Variants in IQSEC1 observed in about 807,000 individuals in gnomAD.
The protein encoded by IQSEC1 is IQ motif and Sec7 domain ArfGEF 1, also known as IQ motif and SEC7 domain-containing protein 1.
IQSEC1 carries 31 observed loss-of-function variants against 91.0 expected under a neutral mutation model. That is an observed-to-expected ratio of 0.34 (90% CI 0.26 to 0.46). IQSEC1 has a LOEUF of 0.46. IQSEC1 is among the 20% of genes least tolerant of loss of function. The pLI, the probability that IQSEC1 is intolerant of heterozygous loss-of-function variation, is 1.00. For missense variants in IQSEC1, 1,388 were observed against 1,575.6 expected (o/e 0.88, Z 2.02); for synonymous variants, 699 against 662.6 (o/e 1.05, Z -0.84).
At position 13,059,256 on chromosome 3, in the gene IQSEC1, C is replaced by A. The variant is rs370487769; in HGVS notation, c.23+13736G>T. 1.7e-4 allele frequency among the ~76,000 whole-genome samples: 26 copies of A among 152,276 alleles called. No individual in the cohort carries two copies. In the East Asian group the frequency reaches 4.6e-3, roughly 27 times the overall value. ...GGCAATGGCGCTGCCACCCATCAGACCCCCAGGCCAGACCCCTAGGCACTA... is the reference window on the plus strand; with the variant it reads ...GGCAATGGCGCTGCCACCCATCAGAACCCCAGGCCAGACCCCTAGGCACTA... On this transcript the variant is annotated intron_variant, in intron 1 of 13. Transcript: ENST00000613206.
At chr3:13,015,243 G>C (rs932230143) in intron 1 of IQSEC1, among the ~76,000 whole-genome samples, 1 of 152,168 alleles carries the variant, frequency 6.6e-6, no homozygotes, top group East Asian at 1.9e-4. Context: ...AGGGCCGTAG[G>C]CAGCGACCCA....
At position 13,092,367 on chromosome 3, in the gene IQSEC1, A is replaced by G. The variant is rs146449358; in HGVS notation, c.303-44845T>C. Among the ~76,000 whole-genome samples the G allele has an allele frequency of 3.8e-4, 58 of 152,228 alleles. 1 individual carries two copies. The East Asian group carries it at 9.1e-3, about 24-fold the overall frequency. On this transcript the variant is annotated intron_variant, in intron 2 of 15. Transcript: ENST00000648114. ...GCGCGCGGCTGCTGCAAAGTCCTGCAAAGAGATACCTGCAAAACACGCCCC... is the reference window on the plus strand; with the variant it reads ...GCGCGCGGCTGCTGCAAAGTCCTGCGAAGAGATACCTGCAAAACACGCCCC...
Position 12,991,550 on chromosome 3 carries a change from G to A in IQSEC1, c.24-49685C>T, listed in dbSNP as rs967891979. Among the ~76,000 whole-genome samples, 7 of 152,180 alleles carry A rather than the reference G, an allele frequency of 4.6e-5. No homozygotes were observed. In the South Asian group the frequency reaches 1.2e-3, roughly 27 times the overall value. ...CCACTCCCCACCTGCCTAATTATGA[G>A]GGGCAGGGGGAGTGATGAGGGCTCT... On this transcript the variant is annotated intron_variant, in intron 1 of 13. Coordinates refer to ENST00000613206, the MANE Select transcript of IQSEC1 (RefSeq NM_001134382.3).
chr3:13,040,866 C>T (rs1704234951), intron 1 of IQSEC1, among the ~76,000 whole-genome samples: 2 of 152,194 alleles, frequency 1.3e-5, no homozygotes, highest in African/African-American at 2.4e-5. Flanking sequence ...GCTCCTCTTT[C>T]AAGACTCTGA....
At chr3:13,017,697 G>A (rs759915416) in intron 1 of IQSEC1, among the ~76,000 whole-genome samples, 1 of 152,204 alleles carries the variant, frequency 6.6e-6, no homozygotes, top group Non-Finnish European at 1.5e-5. Flanking sequence ...AAGACTCGAT[G>A]CAGGGAGAGG....
intron 6 of IQSEC1, among the ~76,000 whole-genome samples, chr3:12,919,013 CA>C: frequency 6.6e-6 from 1 of 152,288 alleles, no homozygotes; most frequent in South Asian, 2.1e-4. Context: ...CAGCCTGCAT[CA>C]GGGGTCATGC....
intron 1 of IQSEC1, among the ~76,000 whole-genome samples, chr3:12,989,964 A>G (rs1045269079): frequency 6.6e-6 from 1 of 152,208 alleles, no homozygotes; most frequent in African/African-American, 2.4e-5. Flanking sequence ...AGGATTAGCC[A>G]TAAGATGCTC....
rs184393048 is a variant in IQSEC1 at position 13,225,549 on chromosome 3, C to T, written c.272+57162G>A. ...TGGCAGGTGGTAAGTACCAGAAAGC[C>T]TTCTAGTCACCCATTCAACAAATAT... On this transcript the variant is annotated intron_variant, in intron 1 of 15. Coordinates refer to the IQSEC1 transcript ENST00000648114. Among the ~76,000 whole-genome samples, 205 of 152,288 alleles carry T rather than the reference C, an allele frequency of 1.3e-3. 1 individual carries two copies. The highest frequency in any genetic ancestry group is 4.8e-3 in the African/African-American group (199 of 41,570).
chr3:13,095,665 A>G (rs1315687527), intron 2 of IQSEC1, among the ~76,000 whole-genome samples: 1 of 152,018 alleles, frequency 6.6e-6, no homozygotes, highest in South Asian at 2.1e-4. Context: ...CCTTTTAGGA[A>G]CTGGCGCTTG....
chr3:13,060,176 A>G (rs1705015944), intron 1 of IQSEC1, among the ~76,000 whole-genome samples: 1 of 152,180 alleles, frequency 6.6e-6, no homozygotes, highest in African/African-American at 2.4e-5. Context: ...TCAGAGAGGT[A>G]AAGGGGTTGT....
chr3:13,202,997 C>G (rs1470050648), intron 1 of IQSEC1, among the ~76,000 whole-genome samples: 1 of 152,214 alleles, frequency 6.6e-6, no homozygotes, highest in Non-Finnish European at 1.5e-5. Flanking sequence ...GGCCCTCTGC[C>G]TGGCTCTGTG....
At chr3:12,906,341 C>T (rs1267048898) in intron 12 of IQSEC1, among the ~76,000 whole-genome samples, 1 of 152,158 alleles carries the variant, frequency 6.6e-6, no homozygotes, top group African/African-American at 2.4e-5. Flanking sequence ...AGCTTGCAGC[C>T]CCCATCTGGT....
chr3:12,935,855 G>C lies in IQSEC1; in HGVS notation c.1161C>G (p.Leu387=). The part of the protein sequence containing the change: ...DLSDRSERGS[L]KRQSAYERSL... Reference sequence around the variant, plus strand: ...TGCGCTCGTAAGCACTCTGCCTCTTGAGTGACCCCCGCTCCGAGCGGTCAC... The same window carrying C: ...TGCGCTCGTAAGCACTCTGCCTCTTCAGTGACCCCCGCTCCGAGCGGTCAC... Residue 387 remains leucine, a synonymous_variant, in exon 3 of 14, where the codon CTC becomes CTG. Transcript: ENST00000613206. This position sits in a 1 kb window ranked among gnomAD's most constrained non-coding sequence, Gnocchi z 8.0. The C allele has an allele frequency of 6.2e-7, 1 of 1,608,038 alleles. No individual in the cohort carries two copies. The highest frequency in any genetic ancestry group is 8.5e-7 in the Non-Finnish European group (1 of 1,179,878).
rs1026530441 is a variant in IQSEC1, at chr3:12,992,295, C to T, written c.24-50430G>A. 2.8e-5 allele frequency among the ~76,000 whole-genome samples: 4 copies of T among 142,354 alleles called. No homozygotes were observed. Among genetic ancestry groups the T allele is most frequent in the African/African-American group, 1.1e-4 (4 of 37,698 alleles). 93.4% of individuals were successfully genotyped at this position (142,354 alleles called of 152,430 possible). On this transcript the variant is annotated intron_variant, in intron 1 of 13. Coordinates refer to ENST00000613206, the MANE Select transcript of IQSEC1 (RefSeq NM_001134382.3). This position sits in a 1 kb window ranked among gnomAD's most constrained non-coding sequence, Gnocchi z 4.1. ...TGATGCTTAATGGCTGGGCTGTGGG[C>T]ATTGTGGCCACCCCAAGTCACCTCT...
intron 2 of IQSEC1, among the ~76,000 whole-genome samples, chr3:13,105,339 A>G (rs931434458): frequency 6.6e-6 from 1 of 152,154 alleles, no homozygotes; most frequent in African/African-American, 2.4e-5. Context: ...CGAGGCCTGG[A>G]GTCCAGGGTC....
At position 12,992,599 on chromosome 3, in the gene IQSEC1, A is replaced by G. The variant is rs1182965422; in HGVS notation, c.24-50734T>C. Among the ~76,000 whole-genome samples the G allele has an allele frequency of 6.6e-6, 1 of 152,192 alleles. No individual in the cohort carries two copies. Among genetic ancestry groups the G allele is most frequent in the African/African-American group, 2.4e-5 (1 of 41,438 alleles). On this transcript the variant is annotated intron_variant, in intron 1 of 13. Coordinates refer to ENST00000613206, the MANE Select transcript of IQSEC1 (RefSeq NM_001134382.3). The surrounding 1 kb of genome is among the most constrained non-coding windows in gnomAD (Gnocchi z 4.1). The stretch of plus-strand genomic sequence containing the variant: ...CTGGTGGAGCCTGACCACAAAATGA[A>G]ACGGTGGCTCATCAAAGTGCACAAC...
At chr3:13,020,408 C>T (rs1703345099) in intron 1 of IQSEC1, among the ~76,000 whole-genome samples, 1 of 152,208 alleles carries the variant, frequency 6.6e-6, no homozygotes, top group Non-Finnish European at 1.5e-5. Flanking sequence ...AGGCCCAAGA[C>T]CCGCCATTGA....
At position 12,924,800 on chromosome 3, in the gene IQSEC1, T is replaced by C; in HGVS notation, c.1569-58A>G. The C allele has an allele frequency of 6.8e-7, 1 of 1,481,214 alleles. No homozygotes were observed. Among genetic ancestry groups the C allele is most frequent in the South Asian group, 1.3e-5 (1 of 75,600 alleles). 91.8% of individuals were successfully genotyped at this position (1,481,214 alleles called of 1,614,324 possible). On this transcript the variant is annotated intron_variant, in intron 3 of 13. Coordinates refer to ENST00000613206, the MANE Select transcript of IQSEC1 (RefSeq NM_001134382.3). This position sits in a 1 kb window ranked among gnomAD's most constrained non-coding sequence, Gnocchi z 6.3. ...GCTGCCCGGCCACCAGCCAGGCACC[T>C]GGAGGGGATCTCCGCTCAGTGGACG... is the stretch of plus-strand genomic sequence containing the variant.
chr3:12,999,856 T>C (rs1159333773), intron 1 of IQSEC1, among the ~76,000 whole-genome samples: 1 of 152,212 alleles, frequency 6.6e-6, no homozygotes, highest in Non-Finnish European at 1.5e-5. Flanking sequence ...CTGTCCATTA[T>C]TGTCCCTTAT....
Sources: allele counts gnomAD v4.1 joint callset (sites outside exome capture counted in the v4.1 genomes callset), GRCh38; gene constraint gnomAD v4.1.1; non-coding constraint Gnocchi (gnomAD v3.1); transcripts MANE v1.5; gene names NCBI Gene and HGNC (gene_info 2026-07-23, HGNC 2026-07-21).